The following CWF19L2 variants were observed in gnomAD, a reference collection of about 807,000 sequenced individuals.
CWF19L2 encodes CWF19-like protein 2.
Under a neutral mutation model 111.7 loss-of-function variants are expected in CWF19L2, and 98 were observed. The ratio of observed to expected loss-of-function variants is 0.88; its 90% CI spans 0.75 to 1.04. The LOEUF (loss-of-function observed/expected upper bound fraction) is 1.04. Ranked by LOEUF, CWF19L2 falls within the 50% of genes least tolerant of loss-of-function variation. CWF19L2 has a pLI of 0.00. For missense variants in CWF19L2, 1,101 were observed against 1,051.4 expected (o/e 1.05, Z -0.65); for synonymous variants, 351 against 342.9 (o/e 1.02, Z -0.26).
At chr11:107,395,819 T>TA (rs1860913807) in intron 10 of CWF19L2, among the ~76,000 whole-genome samples, 3 of 152,252 alleles carry the variant, frequency 2.0e-5, no homozygotes, top group Non-Finnish European at 4.4e-5. Flanking sequence ...ATATTTTCAG[T>TA]AACTATTTGT....
rs534150719 is a variant in CWF19L2, at chr11:107,438,718, C to T, written c.664+372G>A. ...AAATTTTTATCAATGCTTTCTCATA[C>T]GTAAACTTGGGTCATACACTTATAA... On this transcript the variant is annotated intron_variant, in intron 6 of 17. Transcript: ENST00000282251. Among the ~76,000 whole-genome samples, 17 of 152,254 alleles carry T rather than the reference C, an allele frequency of 1.1e-4. No individual in the cohort carries two copies. The South Asian group carries it at 2.1e-3, about 19-fold the overall frequency.
intron 12 of CWF19L2, among the ~76,000 whole-genome samples, chr11:107,384,503 G>T (rs1022152621): frequency 2.0e-5 from 3 of 152,116 alleles, no homozygotes; most frequent in Non-Finnish European, 4.4e-5. Context: ...GAATTTTAAT[G>T]CATTTCAGAT....
chr11:107,386,032 A>G (rs1236657021), intron 12 of CWF19L2, among the ~76,000 whole-genome samples: 2 of 152,118 alleles, frequency 1.3e-5, no homozygotes, highest in Non-Finnish European at 2.9e-5. Context: ...AAAATTTATC[A>G]TAGGTATGTA....
At chr11:107,353,806 C>T (rs1860195010) in intron 12 of CWF19L2, 70 bp from the exon 13 acceptor site, 1 of 1,113,380 alleles carries the variant, frequency 9.0e-7, no homozygotes, top group Non-Finnish European at 1.3e-6. Context: ...CTGTGGTATC[C>T]TAAATCTGTA....
intron 3 of CWF19L2, 149 bp from the exon 4 acceptor site, chr11:107,443,198 G>A: frequency 1.6e-6 from 1 of 634,748 alleles, no homozygotes; most frequent in Non-Finnish European, 2.8e-6. Context: ...AAATTTTAAA[G>A]AGCTGGGTGT....
At chr11:107,351,178 T>C (rs1487085462) in intron 13 of CWF19L2, among the ~76,000 whole-genome samples, 1 of 152,176 alleles carries the variant, frequency 6.6e-6, no homozygotes, top group Admixed American at 6.5e-5. Flanking sequence ...TAATAAATGA[T>C]GATGACTTGA....
intron 10 of CWF19L2, among the ~76,000 whole-genome samples, chr11:107,396,499 G>A (rs1039177568): frequency 3.9e-5 from 6 of 152,116 alleles, no homozygotes; most frequent in African/African-American, 1.4e-4. Flanking sequence ...AAGGAAGAAA[G>A]GAGAAAACAA....
At chr11:107,449,474 C>T (rs1861748899) in intron 3 of CWF19L2, among the ~76,000 whole-genome samples, 1 of 151,788 alleles carries the variant, frequency 6.6e-6, no homozygotes, top group Admixed American at 6.6e-5. Flanking sequence ...TAAAAGATAA[C>T]TGACTAAAGT....
At chr11:107,398,081 A>C (rs1860949590) in intron 10 of CWF19L2, among the ~76,000 whole-genome samples, 1 of 152,216 alleles carries the variant, frequency 6.6e-6, no homozygotes, top group South Asian at 2.1e-4. Context: ...ATGAGAAGGA[A>C]CCAGAAAACC....
intron 5 of CWF19L2, among the ~76,000 whole-genome samples, chr11:107,440,381 CGAA>C (rs1565285995): frequency 6.6e-6 from 1 of 151,810 alleles, no homozygotes; most frequent in African/African-American, 2.4e-5. Flanking sequence ...CATGAGCTGA[CGAA>C]AAAGAACCTT....
intron 1 of CWF19L2, among the ~76,000 whole-genome samples, chr11:107,456,709 T>G (rs1861860582): frequency 2.0e-5 from 3 of 152,122 alleles, no homozygotes; most frequent in Admixed American, 2.0e-4. Context: ...TGCAGCTAGC[T>G]TTTCCCTGGG....
Position 107,336,712 on chromosome 11 carries a change from A to G in CWF19L2, c.2204T>C (p.Met735Thr). 7.0e-7 allele frequency: 1 copy of G among 1,424,102 alleles called. No individual in the cohort carries two copies. The highest frequency in any genetic ancestry group is 9.4e-7 in the Non-Finnish European group (1 of 1,066,868). 88.2% of individuals were successfully genotyped at this position (1,424,102 alleles called of 1,614,324 possible). ...CATCTTTACCAATGATTTTCTGAAC[A>G]TCTAAAAAAAAAAAAGAACTAGGTA... ...LDEDIWEEIQ[M>T]FRKSLVKMFE... is the part of the protein sequence containing the mutation. Residue 735 changes from methionine (M) to threonine (T), a missense_variant and splice_region_variant, in exon 15 of 18, where the codon ATG becomes ACG. Transcript: ENST00000282251.
chr11:107,420,852 A>G (rs1861293811), intron 8 of CWF19L2, among the ~76,000 whole-genome samples: 1 of 152,062 alleles, frequency 6.6e-6, no homozygotes, highest in South Asian at 2.1e-4. Context: ...GGTAACTGAA[A>G]CCTCAGAAAG....
At chr11:107,390,749 C>T (rs1023580164) in intron 11 of CWF19L2, among the ~76,000 whole-genome samples, 55 of 152,108 alleles carry the variant, frequency 3.6e-4, no homozygotes, top group African/African-American at 1.2e-3. Flanking sequence ...GGGATCAGAA[C>T]CTGTGATGGT....
chr11:107,403,697 C>T (rs1232556665), intron 10 of CWF19L2: 7 of 792,066 alleles, frequency 8.8e-6, no homozygotes, highest in Non-Finnish European at 1.4e-5. Context: ...GCCCTGACTG[C>T]ACTCGGCTTG....
rs376302443 is a variant in CWF19L2 at position 107,340,843 on chromosome 11, T to C, written c.2203-4130A>G. 3.3e-5 allele frequency among the ~76,000 whole-genome samples: 5 copies of C among 152,240 alleles called. No individual in the cohort carries two copies. The South Asian group carries it at 8.3e-4, about 25-fold the overall frequency. Reference sequence around the variant, plus strand: ...TGATATATCTACATTTATCTTATTTTTGAAATTTCTCTTAACAGTGTTTTG... The same window carrying C: ...TGATATATCTACATTTATCTTATTTCTGAAATTTCTCTTAACAGTGTTTTG... On this transcript the variant is annotated intron_variant, in intron 14 of 17. Coordinates refer to ENST00000282251, the MANE Select transcript of CWF19L2 (RefSeq NM_152434.3).
intron 3 of CWF19L2, among the ~76,000 whole-genome samples, chr11:107,446,365 T>C (rs1373636050): frequency 6.6e-6 from 1 of 152,240 alleles, no homozygotes; most frequent in Non-Finnish European, 1.5e-5. Flanking sequence ...ATGTCTCTGC[T>C]CTCGCAATTC....
Position 107,441,524 on chromosome 11 carries a change from C to A in CWF19L2, c.549G>T (p.Glu183Asp). ...EKETMRKIEQ[E>D]KNQALEQSKL... is the part of the protein sequence containing the mutation. ...TTACCTGTTCAAGCGCTTGGTTTTT[C>A]TCTTGCTCTATTTTCCTCATAGTTT... The change falls in exon 5 of 18, where the codon GAG becomes GAT. Residue 183 changes from glutamate to aspartate, a missense_variant. Transcript: ENST00000282251. 1.3e-6 allele frequency: 2 copies of A among 1,542,394 alleles called. No individual in the cohort carries two copies. Among genetic ancestry groups the A allele is most frequent in the Non-Finnish European group, 1.7e-6 (2 of 1,143,992 alleles).
chr11:107,362,701 G>A (rs905626028), intron 12 of CWF19L2, among the ~76,000 whole-genome samples: 44 of 151,156 alleles, frequency 2.9e-4, no homozygotes, highest in African/African-American at 1.1e-3. Context: ...ACCAAAAGTA[G>A]ATAAAACCAC....
Sources: gnomAD v4.1 joint callset for allele counts (sites outside exome capture counted in the v4.1 genomes callset) on GRCh38, gnomAD v4.1.1 for gene constraint, MANE v1.5 for transcripts, NCBI Gene and HGNC (gene_info 2026-07-23, HGNC 2026-07-21) for gene names.